Variants in ABCA10 observed in about 807,000 individuals in gnomAD.
ABCA10 encodes the protein ATP-binding cassette sub-family A member 10.
In ABCA10, 169 loss-of-function variants were observed where a neutral mutation model predicts 187.5. That is an observed-to-expected ratio of 0.90 (90% confidence interval 0.80 to 1.02). The LOEUF (loss-of-function observed/expected upper bound fraction) is 1.02, where lower values mean the gene tolerates loss of function less well. ABCA10 is among the 50% of genes least tolerant of loss of function. The pLI, the probability that ABCA10 is intolerant of heterozygous loss-of-function variation, is 0.00. For missense variants in ABCA10, 1,727 were observed against 1,812.4 expected, an observed-to-expected ratio of 0.95 and a Z score of 0.86; for synonymous variants, 574 against 601.8, an observed-to-expected ratio of 0.95 and a Z score of 0.68.
At chr17:69,165,771 G>A (rs908493370) in intron 25 of ABCA10, among the ~76,000 whole-genome samples, 9 of 151,910 alleles carry the variant, frequency 5.9e-5, no homozygotes, top group Non-Finnish European at 8.8e-5. Context: ...AAATTTGGGG[G>A]AAGATTTGTG....
At chr17:69,188,423 C>A (rs2074437805) in intron 18 of ABCA10, among the ~76,000 whole-genome samples, 1 of 151,380 alleles carries the variant, frequency 6.6e-6, no homozygotes, top group South Asian at 2.1e-4. Context: ...TCATGGGCAG[C>A]TTGATGTTAT....
In ABCA10 at chr17:69,219,637, A is replaced by T. The variant is rs570680394; in HGVS notation, c.438T>A (p.Ser146=). Residue 146 remains serine (S), a synonymous_variant, in exon 6 of 39, where the codon TCT becomes TCA. Coordinates refer to ENST00000690296, the MANE Select transcript of ABCA10 (RefSeq NM_001377321.1). ...FHFTCLVSFS[S]FIYFASLNVA... ...CATTTAATGATGCAAAGTATATAAA[A>T]GAAGAGAAAGAAACTAAGCAAGTAA... 1 of 1,611,086 alleles carries T rather than the reference A, an allele frequency of 6.2e-7. No homozygotes were observed. Among genetic ancestry groups the T allele is most frequent in the South Asian group, 1.1e-5 (1 of 90,030 alleles).
intron 27 of ABCA10, among the ~76,000 whole-genome samples, chr17:69,161,800 T>G (rs1453460048): frequency 1.3e-5 from 2 of 152,026 alleles, no homozygotes; most frequent in Non-Finnish European, 2.9e-5. Context: ...AAACATCAAG[T>G]GTATGGAGAA....
Position 69,182,797 on chromosome 17 carries a change from C to G in ABCA10, c.2509G>C (p.Glu837Gln). 1 of 1,564,454 alleles carries G rather than the reference C, an allele frequency of 6.4e-7. No homozygotes were observed. Among genetic ancestry groups the G allele is most frequent in the Non-Finnish European group, 8.7e-7 (1 of 1,151,606 alleles). ...CACTTCAGTGAATGCACGAGGTCTT[C>G]AATATTTGATCCTAACATAGTGGAA... Reference protein sequence around the residue: ...LIVNNTGSNIEDLVHSLKCQD... With the variant: ...LIVNNTGSNIQDLVHSLKCQD... The change falls in exon 21 of 39, where the codon GAA (glutamate) becomes CAA (glutamine). Residue 837 changes from glutamate (E) to glutamine (Q), a missense_variant. Coordinates refer to ENST00000690296, the MANE Select transcript of ABCA10 (RefSeq NM_001377321.1).
intron 27 of ABCA10, among the ~76,000 whole-genome samples, chr17:69,158,973 T>A (rs1018131458): frequency 2.6e-5 from 4 of 151,982 alleles, no homozygotes; most frequent in Non-Finnish European, 5.9e-5. Context: ...CTAAATGCCC[T>A]TTTTTGGAAA....
At chr17:69,232,584 A>G (rs773939931), upstream of ABCA10, among the ~76,000 whole-genome samples, 17 of 152,176 alleles carry the variant, frequency 1.1e-4, no homozygotes, top group Non-Finnish European at 1.9e-4. Flanking sequence ...CCTATCTCTT[A>G]GCAAATAATT....
chr17:69,152,433 C>G lies in ABCA10; in HGVS notation c.4185G>C (p.Leu1395Phe). 6.2e-7 allele frequency: 1 copy of G among 1,613,890 alleles called. No individual in the cohort carries two copies. The highest frequency in any genetic ancestry group is 8.5e-7 in the Non-Finnish European group (1 of 1,179,880). Residue 1395 changes from leucine to phenylalanine, a missense_variant, in exon 35 of 39, where the codon TTG (leucine) becomes TTC (phenylalanine). By Grantham distance (22) the Leu-to-Phe change is conservative. Coordinates refer to ENST00000690296, the MANE Select transcript of ABCA10 (RefSeq NM_001377321.1). ...CAGCCTCTGACATGTAATGGGTGGT[C>G]AAGAGGGTGCCCCTCTCCTTGTTTT... is the stretch of plus-strand genomic sequence containing the variant. ...TVKNKERGTL[L>F]TTHYMSEAEA...
chr17:69,236,795 G>A (rs528091193), intron 1 of ABCA10, among the ~76,000 whole-genome samples: 17 of 151,944 alleles, frequency 1.1e-4, no homozygotes, highest in Non-Finnish European at 2.2e-4. Context: ...TTGGTCTTGG[G>A]AGAGTGTGCT....
At chr17:69,204,834 A>G (rs1361874432) in intron 9 of ABCA10, among the ~76,000 whole-genome samples, 1 of 152,240 alleles carries the variant, frequency 6.6e-6, no homozygotes, top group Non-Finnish European at 1.5e-5. Flanking sequence ...AGATGCTTAT[A>G]AAAATTTAGA....
chr17:69,211,902 T>A (rs2074663945), intron 9 of ABCA10, among the ~76,000 whole-genome samples: 1 of 152,206 alleles, frequency 6.6e-6, no homozygotes, highest in Non-Finnish European at 1.5e-5. Context: ...TAATGGTCTA[T>A]CAATTTTGTT....
intron 22 of ABCA10, among the ~76,000 whole-genome samples, chr17:69,176,027 C>T (rs1010434246): frequency 1.3e-5 from 2 of 152,148 alleles, no homozygotes; most frequent in Non-Finnish European, 2.9e-5. Context: ...TATTTTAGAA[C>T]TACAGTTGAC....
chr17:69,233,661 T>A (rs529371657), upstream of ABCA10: 10 of 152,322 alleles, frequency 6.6e-5, no homozygotes, highest in East Asian at 1.9e-3. Context: ...GGATTAGGCA[T>A]TTATTCTAGT....
chr17:69,242,741 C>T (rs1324014250), intron 1 of ABCA10, among the ~76,000 whole-genome samples: 1 of 152,164 alleles, frequency 6.6e-6, no homozygotes, highest in African/African-American at 2.4e-5. Flanking sequence ...GCCACTGCAC[C>T]CGGTCTGAGG....
chr17:69,153,770 A>C, intron 32 of ABCA10, 61 bp downstream of exon 32: 1 of 1,536,232 alleles, frequency 6.5e-7, no homozygotes, highest in East Asian at 2.3e-5. Flanking sequence ...TTAATATATA[A>C]TGAAGAAATG....
At chr17:69,154,456 G>GT in intron 30 of ABCA10, 130 bp from the exon 31 acceptor site, 1 of 654,920 alleles carries the variant, frequency 1.5e-6, no homozygotes, top group Non-Finnish European at 2.4e-6. Flanking sequence ...ACAGAGTTTT[G>GT]CTCTGTTGCC....
intron 5 of ABCA10, among the ~76,000 whole-genome samples, chr17:69,221,138 C>T (rs2074744458): frequency 6.6e-6 from 1 of 152,028 alleles, no homozygotes; most frequent in Admixed American, 6.6e-5. Context: ...GGCAAGAAGA[C>T]TGAGAGGGAA....
Position 69,192,628 on chromosome 17 carries a change from C to T in ABCA10, c.1806G>A (p.Gly602=), listed in dbSNP as rs1434529288. The T allele has an allele frequency of 1.9e-6, 3 of 1,613,166 alleles. No homozygotes were observed. Among genetic ancestry groups the T allele is most frequent in the Non-Finnish European group, 2.5e-6 (3 of 1,179,790 alleles). ...LADRKVFLSN[G]KLKCAGSSLF... is the part of the protein sequence containing the mutation. ...AAGATGATCCTGCACATTTCAACTT[C>T]CCATTAGACAGAAATACTTTCCTAT... is the stretch of plus-strand genomic sequence containing the variant. The change falls in exon 16 of 39, where the codon GGG becomes GGA. Residue 602 remains glycine, a synonymous_variant. Coordinates refer to ENST00000690296, the MANE Select transcript of ABCA10 (RefSeq NM_001377321.1).
At chr17:69,240,477 C>A (rs1370247313) in intron 1 of ABCA10, among the ~76,000 whole-genome samples, 2 of 152,186 alleles carry the variant, frequency 1.3e-5, no homozygotes, top group African/African-American at 4.8e-5. Context: ...GGAGCCTGAA[C>A]AATGGGCCAT....
chr17:69,244,714 T>TA (rs1209805824), exon 1 of ABCA10: 1 of 151,534 alleles, frequency 6.6e-6, no homozygotes, highest in African/African-American at 2.4e-5. Flanking sequence ...TACAGTATGG[T>TA]ATTTTAACAA....
Sources: allele counts gnomAD v4.1 joint callset (sites outside exome capture counted in the v4.1 genomes callset), GRCh38; gene constraint gnomAD v4.1.1; transcripts MANE v1.5; gene names NCBI Gene and HGNC (gene_info 2026-07-23, HGNC 2026-07-21).